The following KLHL1 variants were observed in gnomAD, a reference collection of about 807,000 sequenced individuals.
The protein encoded by KLHL1 is kelch-like protein 1.
Under a neutral mutation model 77.7 loss-of-function variants are expected in KLHL1, and 47 were observed. That is an observed-to-expected ratio of 0.60 (90% CI 0.48 to 0.77). The LOEUF (loss-of-function observed/expected upper bound fraction) is 0.77, where lower values mean the gene tolerates loss of function less well. Ranked by LOEUF, KLHL1 falls within the 30% of genes least tolerant of loss-of-function variation. The pLI is 0.00. For missense variants in KLHL1, 925 were observed against 910.8 expected (o/e 1.02, Z -0.20); for synonymous variants, 360 against 325.2 (o/e 1.11, Z -1.15).
chr13:69,855,257 T>A (rs1441835869), intron 5 of KLHL1, among the ~76,000 whole-genome samples: 1 of 151,722 alleles, frequency 6.6e-6, no homozygotes, highest in Non-Finnish European at 1.5e-5. Flanking sequence ...GAACGGCTGC[T>A]GGACTAAGTA....
intron 6 of KLHL1, among the ~76,000 whole-genome samples, chr13:69,814,840 G>A (rs2325235): frequency 0.48 from 71,980 of 151,480 alleles, 18,323 homozygotes; most frequent in African/African-American, 0.66. Context: ...GTGAAACCCC[G>A]TCTCTACTAA....
chr13:69,905,698 C>T (rs1203925414), intron 4 of KLHL1, among the ~76,000 whole-genome samples: 8 of 152,010 alleles, frequency 5.3e-5, no homozygotes, highest in Non-Finnish European at 1.5e-5. Context: ...ATTCAGTGAA[C>T]AATAATATCA....
chr13:69,740,690 GATTT>G (rs1873954523), intron 7 of KLHL1, 134 bp from the exon 8 acceptor site: 2 of 543,260 alleles, frequency 3.7e-6, no homozygotes, highest in African/African-American at 1.9e-5. Flanking sequence ...AAATTGAATA[GATTT>G]ATTTCACAGT....
intron 4 of KLHL1, among the ~76,000 whole-genome samples, chr13:69,920,223 A>C (rs1261918330): frequency 6.6e-6 from 1 of 152,116 alleles, no homozygotes; most frequent in Non-Finnish European, 1.5e-5. Context: ...CTAGAATGCC[A>C]GTTCACTAAA....
At chr13:69,860,128 T>C (rs1880079031) in intron 5 of KLHL1, among the ~76,000 whole-genome samples, 1 of 152,104 alleles carries the variant, frequency 6.6e-6, no homozygotes, top group African/African-American at 2.4e-5. Context: ...CATCCACTAA[T>C]AGCAGCCACA....
chr13:70,033,321 T>G (rs61964236), intron 1 of KLHL1, among the ~76,000 whole-genome samples: 61,930 of 151,640 alleles, frequency 0.41, 13,161 homozygotes, highest in East Asian at 0.59. Context: ...ACAGAGTCTC[T>G]CTCTGTCGCC....
chr13:69,780,988 T>C (rs1356657250), intron 7 of KLHL1, among the ~76,000 whole-genome samples: 1 of 128,136 alleles, frequency 7.8e-6, no homozygotes, highest in Non-Finnish European at 1.7e-5. Context: ...CCCAGATTAT[T>C]TTAGTAAGTA....
chr13:70,080,799 T>C (rs1156949572), intron 1 of KLHL1, among the ~76,000 whole-genome samples: 1 of 152,060 alleles, frequency 6.6e-6, no homozygotes, highest in Admixed American at 6.6e-5. Context: ...GGTTTTGCCA[T>C]GTTGGTCAGG....
intron 10 of KLHL1, among the ~76,000 whole-genome samples, chr13:69,703,255 C>T (rs541353977): frequency 9.2e-5 from 14 of 151,446 alleles, no homozygotes; most frequent in East Asian, 1.9e-4. Context: ...GAAAGCACAA[C>T]GCATTACTCA....
chr13:69,990,614 GA>G (rs1253435674), intron 1 of KLHL1, among the ~76,000 whole-genome samples: 1 of 151,970 alleles, frequency 6.6e-6, no homozygotes, highest in African/African-American at 2.4e-5. Context: ...TGAACAAGAA[GA>G]CCTAACTATC....
chr13:69,933,033 C>G (rs1359979001), intron 4 of KLHL1, among the ~76,000 whole-genome samples: 1 of 151,896 alleles, frequency 6.6e-6, no homozygotes, highest in Non-Finnish European at 1.5e-5. Flanking sequence ...TTGTACCCAG[C>G]CTGCCACATT....
chr13:69,718,287 C>A (rs1328204218), intron 9 of KLHL1, among the ~76,000 whole-genome samples: 1 of 152,070 alleles, frequency 6.6e-6, no homozygotes, highest in African/African-American at 2.4e-5. Flanking sequence ...ACTGGTTTAT[C>A]ATTGTAGTAC....
At chr13:70,033,266 T>C (rs770357284) in intron 1 of KLHL1, among the ~76,000 whole-genome samples, 2 of 152,068 alleles carry the variant, frequency 1.3e-5, no homozygotes, top group African/African-American at 2.4e-5. Flanking sequence ...GTTAGGCTTC[T>C]AATAATTTTT....
intron 4 of KLHL1, among the ~76,000 whole-genome samples, chr13:69,926,309 A>ATGCT (rs200292582): frequency 6.6e-6 from 1 of 152,180 alleles, no homozygotes; most frequent in African/African-American, 2.4e-5. Context: ...AGTTATTTAA[A>ATGCT]AAGCATATAT....
intron 6 of KLHL1, among the ~76,000 whole-genome samples, chr13:69,805,119 TTAAG>T (rs1446601240): frequency 6.6e-6 from 1 of 151,888 alleles, no homozygotes; most frequent in African/African-American, 2.4e-5. Flanking sequence ...CTTTATTTTT[TTAAG>T]TAATTTGTTA....
At chr13:69,813,069 C>A (rs1288011477) in intron 6 of KLHL1, among the ~76,000 whole-genome samples, 4 of 151,788 alleles carry the variant, frequency 2.6e-5, no homozygotes, top group African/African-American at 9.7e-5. Context: ...GACTCGGAAC[C>A]AACCCAAATG....
intron 1 of KLHL1, among the ~76,000 whole-genome samples, chr13:70,042,595 TA>T (rs1886402797): frequency 6.6e-6 from 1 of 152,144 alleles, no homozygotes. Context: ...GCCAGCTCTA[TA>T]AAAAATACAA....
At chr13:70,051,337 G>A (rs1430280421) in intron 1 of KLHL1, among the ~76,000 whole-genome samples, 1 of 151,886 alleles carries the variant, frequency 6.6e-6, no homozygotes, top group Admixed American at 6.6e-5. Flanking sequence ...AAAATGAATG[G>A]CAGATGGTTA....
chr13:69,853,148 A>T (rs1879760018), intron 5 of KLHL1, among the ~76,000 whole-genome samples: 5 of 151,952 alleles, frequency 3.3e-5, no homozygotes, highest in Admixed American at 3.3e-4. Context: ...TAAACTACTG[A>T]TATGGTTTGA....
Sources: gnomAD v4.1 joint callset for allele counts (sites outside exome capture counted in the v4.1 genomes callset) on GRCh38, gnomAD v4.1.1 for gene constraint, MANE v1.5 for transcripts, NCBI Gene and HGNC (gene_info 2026-07-23, HGNC 2026-07-21) for gene names.